The following NECAB2 variants were observed in gnomAD, a reference collection of about 807,000 sequenced individuals.
NECAB2 encodes N-terminal EF-hand calcium-binding protein 2.
NECAB2 carries 68 observed loss-of-function variants against 51.9 expected under a neutral mutation model. The observed-to-expected ratio is 1.31, with a 90% CI of 1.08 to 1.60. The LOEUF is 1.60. NECAB2 is among the 40% of genes most tolerant of loss of function. The pLI is 0.00. For synonymous variants in NECAB2, 329 were observed against 203.5 expected (o/e 1.62, Z -5.25); for missense variants, 854 against 490.3 (o/e 1.74, Z -7.00).
At position 83,997,239 on chromosome 16, in the gene NECAB2, G is replaced by C. The variant is rs779588707; in HGVS notation, c.819G>C (p.Gln273His). Residue 273 changes from glutamine to histidine, a missense_variant, in exon 9 of 13, where the codon CAG becomes CAC. Physicochemically the swap from Gln to His is conservative, Grantham distance 24. Transcript: ENST00000305202. ...AGGCACTGTGGTTCGACCTGCAGCA[G>C]CGCCTGTCAGATGAAGATGGCACCA... is the stretch of plus-strand genomic sequence containing the variant. ...ESKALWFDLQ[Q>H]RLSDEDGTNM... 6.8e-6 allele frequency: 11 copies of C among 1,614,030 alleles called. No individual in the cohort carries two copies. In the African/African-American group the frequency reaches 8.0e-5, roughly 12 times the overall value.
intron 5 of NECAB2, among the ~76,000 whole-genome samples, chr16:83,985,095 C>T (rs1461799343): frequency 1.3e-5 from 2 of 149,788 alleles, no homozygotes; most frequent in East Asian, 4.0e-4. Flanking sequence ...GGCAGATCAC[C>T]TGAGGTCAGG....
At chr16:83,965,438 C>T (rs1331817299), upstream of NECAB2, 1 of 1,593,164 alleles carries the variant, frequency 6.3e-7, no homozygotes, top group Admixed American at 1.7e-5. Flanking sequence ...AGACCCTGTC[C>T]TCATCATTGG....
Position 83,998,198 on chromosome 16 carries a change from C to A in NECAB2, c.850-7C>A, listed in dbSNP as rs2084746904. On this transcript the variant is annotated splice_region_variant and splice_polypyrimidine_tract_variant and intron_variant, in intron 9 of 12. Coordinates refer to ENST00000305202, the MANE Select transcript of NECAB2 (RefSeq NM_019065.3). ...AGCCCCACACTGACTCCTGCTGTGC[C>A]CGGCAGCACCTGCAGCTGGTCCGGC... The A allele has an allele frequency of 3.7e-6, 6 of 1,606,980 alleles. No homozygotes were observed. The highest frequency in any genetic ancestry group is 5.1e-6 in the Non-Finnish European group (6 of 1,179,756).
At chr16:83,981,485 G>C (rs1021025139) in intron 5 of NECAB2, among the ~76,000 whole-genome samples, 6 of 151,888 alleles carry the variant, frequency 4.0e-5, no homozygotes, top group African/African-American at 1.5e-4. Flanking sequence ...GGGGCGTGGT[G>C]GGGGGTGGTG....
At chr16:83,994,552 C>T (rs978927016) in intron 7 of NECAB2, 57 bp from the exon 8 acceptor site, 7 of 1,608,176 alleles carry the variant, frequency 4.4e-6, no homozygotes, top group African/African-American at 4.0e-5. Context: ...CCAGCTTCCC[C>T]CCGAAGCCCT....
chr16:83,982,055 C>T (rs1000880975), intron 5 of NECAB2, among the ~76,000 whole-genome samples: 18 of 152,198 alleles, frequency 1.2e-4, no homozygotes, highest in African/African-American at 4.1e-4. Flanking sequence ...ATTACGAAGT[C>T]CTTCAGAGAT....
At chr16:83,996,422 A>G in intron 8 of NECAB2, among the ~76,000 whole-genome samples, 1 of 152,162 alleles carries the variant, frequency 6.6e-6, no homozygotes. Flanking sequence ...GGTGGTGACT[A>G]CACAGACTCA....
Position 83,994,704 on chromosome 16 carries a change from A to T in NECAB2, c.795+16A>T, listed in dbSNP as rs746457930. On this transcript the variant is annotated intron_variant, in intron 8 of 12. Transcript: ENST00000305202. ...GGAGAGCAAAGTAAGCCCTGGCCTG[A>T]CCACGGCGTCTACTCCTTCCAACCC... 1 of 1,613,666 alleles carries T rather than the reference A, an allele frequency of 6.2e-7. No homozygotes were observed. The highest frequency in any genetic ancestry group is 2.2e-5 in the East Asian group (1 of 44,876).
rs753515854 is a variant in NECAB2 at position 84,000,704 on chromosome 16, C to A, written c.963-20C>A. On this transcript the variant is annotated intron_variant, in intron 10 of 12. Coordinates refer to ENST00000305202, the MANE Select transcript of NECAB2 (RefSeq NM_019065.3). ...TTGGTTGAGCTCCAGCCTCCTCCCC[C>A]CGACCATCTCCTGTTGCAGCATCAC... 2.9e-5 allele frequency: 47 copies of A among 1,613,024 alleles called. No individual in the cohort carries two copies. The highest frequency in any genetic ancestry group is 3.1e-5 in the Non-Finnish European group (36 of 1,179,450).
chr16:83,974,983 TGTG>T lies in NECAB2; in HGVS notation c.226+2810_226+2812del, dbSNP rs773761020. 4.0e-5 allele frequency among the ~76,000 whole-genome samples: 3 copies of T among 75,710 alleles called. No individual in the cohort carries two copies. In the East Asian group the frequency reaches 1.1e-3, roughly 28 times the overall value. The allele number at this position is 75,710 out of a possible 152,430, so 49.7% of individuals were successfully genotyped here. ...GGATGGGAACAGGTGTGCAGGGAGG[TGTG>T]GGTGCGGGAATGTGAACCGGTGTGC... On this transcript the variant is annotated intron_variant, in intron 2 of 12. Transcript: ENST00000305202.
chr16:83,998,876 C>G (rs891095344), intron 10 of NECAB2, among the ~76,000 whole-genome samples: 22 of 152,230 alleles, frequency 1.4e-4, no homozygotes, highest in African/African-American at 5.3e-4. Context: ...TCCCACCAGG[C>G]TGATGTAGCT....
At chr16:83,984,349 C>A (rs2084525846) in intron 5 of NECAB2, among the ~76,000 whole-genome samples, 1 of 151,782 alleles carries the variant, frequency 6.6e-6, no homozygotes, top group African/African-American at 2.4e-5. Context: ...ATCAGTCATG[C>A]ATGGAATGTT....
At chr16:83,993,338 C>G (rs942232671) in intron 6 of NECAB2, 1 of 152,366 alleles carries the variant, frequency 6.6e-6, no homozygotes, top group African/African-American at 2.4e-5. Flanking sequence ...CCTCTCCCCT[C>G]CCAAGGCGGG....
chr16:83,982,029 G>C (rs749296107), intron 5 of NECAB2, among the ~76,000 whole-genome samples: 8 of 152,320 alleles, frequency 5.3e-5, no homozygotes, highest in Middle Eastern at 3.4e-3. Context: ...GTGAAATGGA[G>C]ACATCCACCT....
upstream of NECAB2, chr16:83,966,241 C>T: frequency 1.8e-6 from 1 of 547,412 alleles, no homozygotes; most frequent in East Asian, 3.0e-5. Context: ...GTGGGGAAAG[C>T]TGCTGGTGTG....
Position 84,002,307 on chromosome 16 carries a change from TCTC to T in NECAB2, c.1133-8_1133-6del, listed in dbSNP as rs1567682816. On this transcript the variant is annotated splice_region_variant and splice_polypyrimidine_tract_variant and intron_variant, in intron 12 of 12. Coordinates refer to ENST00000305202, the MANE Select transcript of NECAB2 (RefSeq NM_019065.3). ...GCACTCCTTCCCTCTAACGTGTCTC[TCTC>T]CTTTTAGCTGCTTGGTGCACGGTGG... 6.2e-7 allele frequency: 1 copy of T among 1,613,796 alleles called. No homozygotes were observed. Among genetic ancestry groups the T allele is most frequent in the Non-Finnish European group, 8.5e-7 (1 of 1,179,832 alleles).
chr16:83,981,218 G>C (rs542657170), intron 5 of NECAB2, 91 bp downstream of exon 5: 1 of 1,200,864 alleles, frequency 8.3e-7, no homozygotes, highest in Admixed American at 1.9e-5. Flanking sequence ...TTTGAAGACA[G>C]GCCGCCAGGG....
At position 84,002,372 on chromosome 16, in the gene NECAB2, G is replaced by T; in HGVS notation, c.*26G>T. ...CAGCCTCCCAGAGGCCCGTGGAGGA[G>T]CCCACCAGCCCCTTCTTCTTGTGAA... On this transcript the variant is annotated 3_prime_UTR_variant, in exon 13 of 13. Transcript: ENST00000305202. The T allele has an allele frequency of 6.2e-7, 1 of 1,611,252 alleles. No homozygotes were observed.
At chr16:83,987,263 C>T (rs980816868) in intron 5 of NECAB2, among the ~76,000 whole-genome samples, 4 of 152,252 alleles carry the variant, frequency 2.6e-5, no homozygotes, top group Non-Finnish European at 4.4e-5. Flanking sequence ...GTGCCCTTTG[C>T]GTCCTTATTT....
Sources: allele counts gnomAD v4.1 joint callset (sites outside exome capture counted in the v4.1 genomes callset), GRCh38; gene constraint gnomAD v4.1.1; transcripts MANE v1.5; gene names NCBI Gene and HGNC (gene_info 2026-07-23, HGNC 2026-07-21).